The following GLDC variants were observed in gnomAD, a reference collection of about 807,000 sequenced individuals.
GLDC encodes the protein glycine decarboxylase.
In GLDC, 104 loss-of-function variants were observed where a neutral mutation model predicts 121.3. That is an observed-to-expected ratio of 0.86 (90% CI 0.73 to 1.01). The LOEUF is 1.01. GLDC is among the 50% of genes least tolerant of loss of function. The pLI is 0.00. For missense variants in GLDC, 1,429 were observed against 1,306.6 expected, an observed-to-expected ratio of 1.09 and a Z score of -1.44; for synonymous variants, 546 against 480.6, an observed-to-expected ratio of 1.14 and a Z score of -1.78.
Position 6,572,392 on chromosome 9 carries a change from G to C in GLDC, c.1851-6963C>G, listed in dbSNP as rs369362102. 1.4e-3 allele frequency among the ~76,000 whole-genome samples: 213 copies of C among 152,270 alleles called. 1 individual carries two copies. The highest frequency in any genetic ancestry group is 2.2e-3 in the Non-Finnish European group (152 of 68,008). On this transcript the variant is annotated intron_variant, in intron 15 of 24. Coordinates refer to ENST00000321612, the MANE Select transcript of GLDC (RefSeq NM_000170.3). The stretch of plus-strand genomic sequence containing the variant: ...ACATTAGGATGTTGAAAATCAACTG[G>C]GTTTTCATTGGTGCTGAGTTTAGAG...
intron 15 of GLDC, among the ~76,000 whole-genome samples, chr9:6,570,329 AG>A (rs1259788286): frequency 6.6e-6 from 1 of 152,270 alleles, no homozygotes; most frequent in Admixed American, 6.5e-5. Flanking sequence ...TAAAAATTAT[AG>A]TACCAAGAAA....
At position 6,607,808 on chromosome 9, in the gene GLDC, C is replaced by G. The variant is rs112636326; in HGVS notation, c.636-1139G>C. On this transcript the variant is annotated intron_variant, in intron 4 of 24. Coordinates refer to ENST00000321612, the MANE Select transcript of GLDC (RefSeq NM_000170.3). ...GGGACTACGGGCATGTGCCACCATG[C>G]CCAGCCAATTTTTGTATTAAAAAAA... Among the ~76,000 whole-genome samples, 802 of 151,480 alleles carry G rather than the reference C, an allele frequency of 5.3e-3. 10 individuals are homozygous for G. Among genetic ancestry groups the G allele is most frequent in the African/African-American group, 0.018 (758 of 41,332 alleles).
chr9:6,613,859 C>A (rs1587968114), intron 3 of GLDC, among the ~76,000 whole-genome samples: 1 of 152,120 alleles, frequency 6.6e-6, no homozygotes, highest in African/African-American at 2.4e-5. Context: ...CCAGTGCAAC[C>A]TCCACCTCTT....
At chr9:6,628,929 GC>G (rs1250793686) in intron 2 of GLDC, among the ~76,000 whole-genome samples, 1 of 152,002 alleles carries the variant, frequency 6.6e-6, no homozygotes, top group Non-Finnish European at 1.5e-5. Context: ...TGTTTATTCT[GC>G]CTCAGAGCAT....
At chr9:6,640,532 C>G (rs1474938071) in intron 2 of GLDC, among the ~76,000 whole-genome samples, 4 of 152,240 alleles carry the variant, frequency 2.6e-5, no homozygotes, top group Non-Finnish European at 5.9e-5. Flanking sequence ...CTCCATTAAC[C>G]ATTTAGTAGA....
intron 15 of GLDC, among the ~76,000 whole-genome samples, chr9:6,571,312 G>C (rs1817961912): frequency 6.6e-6 from 1 of 152,128 alleles, no homozygotes; most frequent in African/African-American, 2.4e-5. Context: ...CCAAACCCAG[G>C]TGTACTACGA....
In GLDC at chr9:6,639,669, G is replaced by GTATATATA. The variant is rs150365649; in HGVS notation, c.334+4937_334+4944dup. 1,319 of 227,110 alleles carry GTATATATA rather than the reference G, an allele frequency of 5.8e-3. 60 individuals are homozygous for GTATATATA. Among genetic ancestry groups the GTATATATA allele is most frequent in the African/African-American group, 0.03 (927 of 30,672 alleles). 14.1% of individuals were successfully genotyped at this position (227,110 alleles called of 1,614,324 possible). ...TATATCTTTTCACCATAAAAAAAAA[G>GTATATATA]TATATATATATATATATATGGACAA... On this transcript the variant is annotated intron_variant, in intron 2 of 24. Transcript: ENST00000321612.
chr9:6,559,906 G>C (rs1817715905), intron 16 of GLDC, among the ~76,000 whole-genome samples: 1 of 152,312 alleles, frequency 6.6e-6, no homozygotes, highest in East Asian at 1.9e-4. Flanking sequence ...GTGAATGACT[G>C]TCTAGAGTCC....
chr9:6,644,445 C>A (rs981996020), intron 2 of GLDC, 169 bp downstream of exon 2: 3 of 666,300 alleles, frequency 4.5e-6, no homozygotes, highest in Non-Finnish European at 5.4e-6. Context: ...CTCCGAGAAC[C>A]AAATATCCCA....
At chr9:6,553,580 C>A in intron 19 of GLDC, 71 bp from the exon 20 acceptor site, 1 of 1,475,408 alleles carries the variant, frequency 6.8e-7, no homozygotes, top group South Asian at 1.1e-5. Context: ...AGGTTCTGGG[C>A]CCTCCCAGAA....
At chr9:6,561,766 C>G (rs539285861) in intron 16 of GLDC, among the ~76,000 whole-genome samples, 7 of 152,248 alleles carry the variant, frequency 4.6e-5, no homozygotes, top group African/African-American at 1.4e-4. Flanking sequence ...TTAGGGGGTG[C>G]TATGTTTTCT....
At chr9:6,641,816 C>T (rs776464025) in intron 2 of GLDC, among the ~76,000 whole-genome samples, 6 of 152,182 alleles carry the variant, frequency 3.9e-5, no homozygotes, top group Non-Finnish European at 8.8e-5. Context: ...ATTTAACACT[C>T]CTATAACTAG....
intron 2 of GLDC, among the ~76,000 whole-genome samples, chr9:6,635,534 G>A (rs1819483972): frequency 6.6e-6 from 1 of 152,126 alleles, no homozygotes; most frequent in African/African-American, 2.4e-5. Flanking sequence ...TCATACCGCT[G>A]CACTCTAGTC....
chr9:6,565,387 G>C lies in GLDC; in HGVS notation c.1893C>G (p.Ala631=), dbSNP rs565751857. 3 of 1,613,806 alleles carry C rather than the reference G, an allele frequency of 1.9e-6. No individual in the cohort carries two copies. Among genetic ancestry groups the C allele is most frequent in the Non-Finnish European group, 2.5e-6 (3 of 1,179,812 alleles). Residue 631 remains alanine, a synonymous_variant, in exon 16 of 25, where the codon GCC becomes GCG. Transcript: ENST00000321612. ...GCCCCTCTCCTTTCTGGTTTAAGTAGGCTCGGATAGTGGCCAGTCCAGCAT... is the reference window on the plus strand; with the variant it reads ...GCCCCTCTCCTTTCTGGTTTAAGTACGCTCGGATAGTGGCCAGTCCAGCAT... ...GEYAGLATIR[A]YLNQKGEGHR...
At chr9:6,614,316 C>A (rs1818925743) in intron 3 of GLDC, among the ~76,000 whole-genome samples, 1 of 152,132 alleles carries the variant, frequency 6.6e-6, no homozygotes, top group Non-Finnish European at 1.5e-5. Context: ...CTCGCTGCAA[C>A]CTCCACCTCC....
chr9:6,562,642 C>G (rs745771658), intron 16 of GLDC, among the ~76,000 whole-genome samples: 4 of 152,204 alleles, frequency 2.6e-5, no homozygotes, highest in African/African-American at 4.8e-5. Context: ...TCACTGCAAC[C>G]TCTGCCTCCT....
intron 16 of GLDC, among the ~76,000 whole-genome samples, chr9:6,564,594 A>G (rs761545198): frequency 1.2e-4 from 18 of 152,140 alleles, no homozygotes; most frequent in Non-Finnish European, 2.5e-4. Flanking sequence ...CGATGCTCCT[A>G]TTAAGGACTT....
chr9:6,591,454 C>T (rs1299025175), intron 11 of GLDC, among the ~76,000 whole-genome samples: 1 of 152,186 alleles, frequency 6.6e-6, no homozygotes, highest in East Asian at 1.9e-4. Context: ...ACTGTGTCTT[C>T]AGGGCCTAGC....
At chr9:6,553,213 G>C (rs965189295) in intron 20 of GLDC, among the ~76,000 whole-genome samples, 155 bp downstream of exon 20, 1 of 152,120 alleles carries the variant, frequency 6.6e-6, no homozygotes, top group Admixed American at 6.5e-5. Flanking sequence ...CTTCAGGAAG[G>C]TTTCTTCCAC....
Sources: allele counts gnomAD v4.1 joint callset (sites outside exome capture counted in the v4.1 genomes callset), GRCh38; gene constraint gnomAD v4.1.1; transcripts MANE v1.5; gene names NCBI Gene and HGNC (gene_info 2026-07-23, HGNC 2026-07-21).